The following RNF207 variants were observed in gnomAD, a reference collection of about 807,000 sequenced individuals.
The protein encoded by RNF207 is OTTHUMG00000001089.
RNF207 carries 72 observed loss-of-function variants against 79.0 expected under a neutral mutation model. That is an observed-to-expected ratio of 0.91 (90% CI 0.75 to 1.11). The LOEUF (loss-of-function observed/expected upper bound fraction) is 1.11, where lower values mean the gene tolerates loss of function less well. Ranked by LOEUF, RNF207 falls within the 50% of genes least tolerant of loss-of-function variation. RNF207 has a pLI of 0.00. For synonymous variants in RNF207, 348 were observed against 366.2 expected, an observed-to-expected ratio of 0.95 and a Z score of 0.57; for missense variants, 936 against 855.8, an observed-to-expected ratio of 1.09 and a Z score of -1.17.
intron 16 of RNF207, 46 bp from the exon 17 acceptor site, chr1:6,218,243 A>C: frequency 7.3e-7 from 1 of 1,369,788 alleles, no homozygotes; most frequent in Non-Finnish European, 1.0e-6. Context: ...GCCGTGCAGC[A>C]GCTGGCTCTG....
At position 6,217,430 on chromosome 1, in the gene RNF207, C is replaced by A. The variant is rs538497839; in HGVS notation, c.1653-859C>A. Among the ~76,000 whole-genome samples the A allele has an allele frequency of 3.0e-4, 45 of 152,300 alleles. No individual in the cohort carries two copies. Among genetic ancestry groups the A allele is most frequent in the Non-Finnish European group, 5.4e-4 (37 of 68,022 alleles). On this transcript the variant is annotated intron_variant, in intron 16 of 17. Coordinates refer to ENST00000377939, the MANE Select transcript of RNF207 (RefSeq NM_207396.3). The surrounding 1 kb of genome is among the most constrained non-coding windows in gnomAD (Gnocchi z 4.2). The stretch of plus-strand genomic sequence containing the variant: ...CTCCAGCACAGTGCTTACCAGAGCT[C>A]CAGACTCATCTCCCACTGCCCCCTT...
At position 6,210,458 on chromosome 1, in the gene RNF207, G is replaced by C. The variant is rs773479286; in HGVS notation, c.942+20G>C. 1 of 1,600,894 alleles carries C rather than the reference G, an allele frequency of 6.2e-7. No individual in the cohort carries two copies. Among genetic ancestry groups the C allele is most frequent in the Non-Finnish European group, 8.5e-7 (1 of 1,170,880 alleles). On this transcript the variant is annotated intron_variant, in intron 10 of 17. Transcript: ENST00000377939. ...GGCTATGTGAGTCTCCTCTGCTCCTGCAGATGCCCCCTCCCCACCAGGAGC... is the reference window on the plus strand; with the variant it reads ...GGCTATGTGAGTCTCCTCTGCTCCTCCAGATGCCCCCTCCCCACCAGGAGC...
Position 6,211,631 on chromosome 1 carries a change from G to A in RNF207, c.1110-236G>A, listed in dbSNP as rs993705947. 2.0e-5 allele frequency among the ~76,000 whole-genome samples: 3 copies of A among 152,198 alleles called. No individual in the cohort carries two copies. Among genetic ancestry groups the A allele is most frequent in the Non-Finnish European group, 2.9e-5 (2 of 68,020 alleles). The stretch of plus-strand genomic sequence containing the variant: ...TCGGTCCTGGCCCCGGCAGCATTCC[G>A]ACGGACTTGCTCTTGGCCCCACATC... On this transcript the variant is annotated intron_variant, in intron 12 of 17. Transcript: ENST00000377939. This position sits in a 1 kb window ranked among gnomAD's most constrained non-coding sequence, Gnocchi z 4.2.
At position 6,207,465 on chromosome 1, in the gene RNF207, T is replaced by A; in HGVS notation, c.278T>A (p.Val93Glu). 4.4e-6 allele frequency: 7 copies of A among 1,589,298 alleles called. No homozygotes were observed. Among genetic ancestry groups the A allele is most frequent in the Non-Finnish European group, 6.0e-6 (7 of 1,166,760 alleles). The change falls in exon 3 of 18, where the codon GTG becomes GAG. Residue 93 changes from valine (V) to glutamate (E), a missense_variant. Transcript: ENST00000377939. This position sits in a 1 kb window ranked among gnomAD's most constrained non-coding sequence, Gnocchi z 4.5. ...QFLVDSSGDG[V>E]EAVRCANCDL... is the part of the protein sequence containing the mutation. ...CTGGTGGACAGCTCAGGGGATGGCG[T>A]GGAGGCGGTGCGCTGTGCCAACTGT... is the stretch of plus-strand genomic sequence containing the variant.
rs1374045573 is a variant in RNF207, at chr1:6,207,253, C to T, written c.192-126C>T. On this transcript the variant is annotated intron_variant, in intron 2 of 17. Transcript: ENST00000377939. The surrounding 1 kb of genome is among the most constrained non-coding windows in gnomAD (Gnocchi z 4.5). ...CTGGCTGTGATATTTATAGCAGACCCCAGAGCTGTGGTGCACCCCACCTCC... is the reference window on the plus strand; with the variant it reads ...CTGGCTGTGATATTTATAGCAGACCTCAGAGCTGTGGTGCACCCCACCTCC... The T allele has an allele frequency of 2.1e-6, 2 of 958,252 alleles. No individual in the cohort carries two copies. The highest frequency in any genetic ancestry group is 3.0e-6 in the Non-Finnish European group (2 of 665,068). The allele number at this position is 958,252 out of a possible 1,614,324, so 59.4% of individuals were successfully genotyped here.
At chr1:6,216,049 C>G (rs1027449597) in intron 16 of RNF207, among the ~76,000 whole-genome samples, 15 of 152,162 alleles carry the variant, frequency 9.9e-5, no homozygotes, top group African/African-American at 3.4e-4. Context: ...CCAGTCCTTC[C>G]TGGGAAGCCT....
intron 16 of RNF207, among the ~76,000 whole-genome samples, chr1:6,214,262 T>C (rs2100940714): frequency 6.6e-6 from 1 of 152,322 alleles, no homozygotes; most frequent in African/African-American, 2.4e-5. Flanking sequence ...ACTAATTCTC[T>C]GTGGAAGCTT....
chr1:6,215,331 C>CTTT (rs147320112), intron 16 of RNF207, among the ~76,000 whole-genome samples: 13 of 138,804 alleles, frequency 9.4e-5, no homozygotes, highest in Non-Finnish European at 1.6e-4. Flanking sequence ...CCCGGCCCCC[C>CTTT]TTTTTTTTTT....
At chr1:6,210,005 C>T (rs773338998) in intron 8 of RNF207, 35 bp downstream of exon 8, 2 of 1,549,262 alleles carry the variant, frequency 1.3e-6, no homozygotes, top group Admixed American at 2.0e-5. Context: ...CTTCCCTTAC[C>T]CCTTGGCCTC....
At chr1:6,214,150 C>T (rs1668278261) in intron 16 of RNF207, among the ~76,000 whole-genome samples, 1 of 152,166 alleles carries the variant, frequency 6.6e-6, no homozygotes, top group Non-Finnish European at 1.5e-5. Context: ...AAGGATTCTC[C>T]TTCAAAGGCA....
chr1:6,213,723 C>A (rs990371888), intron 16 of RNF207, among the ~76,000 whole-genome samples: 2 of 152,178 alleles, frequency 1.3e-5, no homozygotes, highest in Admixed American at 6.5e-5. Flanking sequence ...GAGGGTCCTG[C>A]TGGGCTGATC....
Position 6,211,058 on chromosome 1 carries a change from T to C in RNF207, c.1049T>C (p.Leu350Pro), listed in dbSNP as rs371487817. 15 of 1,608,332 alleles carry C rather than the reference T, an allele frequency of 9.3e-6. No individual in the cohort carries two copies. The highest frequency in any genetic ancestry group is 1.3e-5 in the Non-Finnish European group (15 of 1,179,256). The change falls in exon 12 of 18, where the codon CTG becomes CCG. Residue 350 changes from leucine (L) to proline (P), a missense_variant. Leu to Pro is a moderately conservative substitution (Grantham distance 98, BLOSUM62 -3). Coordinates refer to ENST00000377939, the MANE Select transcript of RNF207 (RefSeq NM_207396.3). The surrounding 1 kb of genome is among the most constrained non-coding windows in gnomAD (Gnocchi z 4.2). Reference sequence around the variant, plus strand: ...CACCGAGCTGAATTCGCGCGCTGTCTGGAGCCACTGCTGCTGCTGGGGCCA... The same window carrying C: ...CACCGAGCTGAATTCGCGCGCTGTCCGGAGCCACTGCTGCTGCTGGGGCCA... ...SDHRAEFARC[L>P]EPLLLLGPRR...
intron 15 of RNF207, 36 bp downstream of exon 15, chr1:6,212,769 C>T: frequency 1.3e-6 from 2 of 1,562,818 alleles, no homozygotes; most frequent in Middle Eastern, 1.7e-4. Flanking sequence ...AACCCTCTGT[C>T]CCTGAGCTAA....
intron 14 of RNF207, 54 bp from the exon 15 acceptor site, chr1:6,212,628 G>A (rs1470658213): frequency 4.3e-5 from 64 of 1,495,208 alleles, no homozygotes; most frequent in Non-Finnish European, 5.5e-5. Flanking sequence ...TAGCAATGCC[G>A]CCACCGTAAA....
chr1:6,212,021 G>A lies in RNF207; in HGVS notation c.1264G>A (p.Glu422Lys), dbSNP rs946909070. The change falls in exon 13 of 18, where the codon GAG (glutamate) becomes AAG (lysine). Residue 422 changes from glutamate (E) to lysine (K), a missense_variant. Coordinates refer to ENST00000377939, the MANE Select transcript of RNF207 (RefSeq NM_207396.3). The stretch of plus-strand genomic sequence containing the variant: ...GGAGGGCGAGAACACGCCCTTCGCA[G>A]AGCACTGCCGCCACTATGAGGACTC... ...LAEGENTPFA[E>K]HCRHYEDSYR... 6.3e-7 allele frequency: 1 copy of A among 1,594,658 alleles called. No homozygotes were observed.
chr1:6,213,910 G>C, intron 16 of RNF207, among the ~76,000 whole-genome samples: 1 of 152,210 alleles, frequency 6.6e-6, no homozygotes, highest in East Asian at 1.9e-4. Flanking sequence ...AGGATAGACT[G>C]GTTGCCCTGT....
intron 15 of RNF207, 37 bp downstream of exon 15, chr1:6,212,770 C>G: frequency 1.3e-6 from 2 of 1,538,322 alleles, no homozygotes; most frequent in Non-Finnish European, 9.0e-7. Flanking sequence ...ACCCTCTGTC[C>G]CTGAGCTAAC....
intron 15 of RNF207, 131 bp downstream of exon 15, chr1:6,212,864 GC>G: frequency 1.2e-6 from 1 of 866,892 alleles, no homozygotes; most frequent in Non-Finnish European, 1.9e-6. Context: ...GCTTGACCGT[GC>G]CTCCCAGCTG....
In RNF207 at chr1:6,218,233, G is replaced by T. The variant is rs570278152; in HGVS notation, c.1653-56G>T. The T allele has an allele frequency of 7.4e-5, 91 of 1,232,774 alleles. No individual in the cohort carries two copies. The African/African-American group carries it at 8.8e-4, about 12-fold the overall frequency. 76.4% of individuals were successfully genotyped at this position (1,232,774 alleles called of 1,614,324 possible). A position where few individuals can be genotyped will look rare whatever the true frequency, so the allele number is the denominator to read the frequency against. On this transcript the variant is annotated intron_variant, in intron 16 of 17. Coordinates refer to ENST00000377939, the MANE Select transcript of RNF207 (RefSeq NM_207396.3). ...TGGTTCTGAGGTTTCTGAGCTTAAG[G>T]CCGTGCAGCAGCTGGCTCTGCTCCC... is the stretch of plus-strand genomic sequence containing the variant.
Sources: allele counts gnomAD v4.1 joint callset (sites outside exome capture counted in the v4.1 genomes callset), GRCh38; gene constraint gnomAD v4.1.1; non-coding constraint Gnocchi (gnomAD v3.1); transcripts MANE v1.5; gene names NCBI Gene and HGNC (gene_info 2026-07-23, HGNC 2026-07-21).